Variants in PRG3 observed in about 807,000 individuals in gnomAD.
The protein encoded by PRG3 is proteoglycan 3, pro eosinophil major basic protein 2.
Under a neutral mutation model 26.1 loss-of-function variants are expected in PRG3, and 25 were observed. The ratio of observed to expected loss-of-function variants is 0.96; its 90% CI spans 0.70 to 1.34. PRG3 has a LOEUF of 1.34. Among genes scored for constraint, PRG3 ranks in the 40% most tolerant of loss-of-function variants. The pLI is 0.00. For synonymous variants in PRG3, 111 were observed against 100.4 expected, an observed-to-expected ratio of 1.11 and a Z score of -0.63; for missense variants, 280 against 264.8, an observed-to-expected ratio of 1.06 and a Z score of -0.40.
intron 1 of PRG3, 137 bp from the exon 2 acceptor site, chr11:57,380,918 C>A: frequency 2.3e-6 from 1 of 436,304 alleles, no homozygotes; most frequent in Non-Finnish European, 4.0e-6. Context: ...AACTCAGGTA[C>A]CAAATTTCAT....
Position 57,378,680 on chromosome 11 carries a change from C to G in PRG3, c.507+1G>C. ...CACCCAAGATTTGGCCCCTGACTTA[C>G]CCAGCCCCTGAGGTTGCCTCCAATC... On this transcript the variant is annotated splice_donor_variant, in intron 4 of 5. Coordinates refer to ENST00000287143, the MANE Select transcript of PRG3 (RefSeq NM_006093.4). LOFTEE classifies it high-confidence loss of function. The G allele has an allele frequency of 6.2e-7, 1 of 1,613,146 alleles. No individual in the cohort carries two copies. The highest frequency in any genetic ancestry group is 8.5e-7 in the Non-Finnish European group (1 of 1,179,440).
At chr11:57,378,551 A>T in intron 4 of PRG3, 130 bp downstream of exon 4, 1 of 1,251,786 alleles carries the variant, frequency 8.0e-7, no homozygotes, top group Non-Finnish European at 1.1e-6. Context: ...AGTACAAGCC[A>T]TCTCCAGCAC....
chr11:57,379,822 T>C lies in PRG3; in HGVS notation c.62-15A>G, dbSNP rs778977993. 6.3e-7 allele frequency: 1 copy of C among 1,592,456 alleles called. No homozygotes were observed. The highest frequency in any genetic ancestry group is 8.6e-7 in the Non-Finnish European group (1 of 1,169,006). ...GGCATCATTCTCTGGGAAGAAGAGG[T>C]AACCTGCCATCAGGTCAAGAGCTTC... On this transcript the variant is annotated splice_polypyrimidine_tract_variant and intron_variant, in intron 2 of 5. Coordinates refer to ENST00000287143, the MANE Select transcript of PRG3 (RefSeq NM_006093.4).
At position 57,378,822 on chromosome 11, in the gene PRG3, G is replaced by C. The variant is rs373236240; in HGVS notation, c.376-10C>G. On this transcript the variant is annotated splice_polypyrimidine_tract_variant and intron_variant, in intron 3 of 5. Coordinates refer to ENST00000287143, the MANE Select transcript of PRG3 (RefSeq NM_006093.4). ...ATCTGCTGCAGACATTCTGCAGACG[G>C]AAACAAAGTAGAGAATTCCCTCTCA... 2.6e-5 allele frequency: 42 copies of C among 1,613,184 alleles called. No individual in the cohort carries two copies. Among genetic ancestry groups the C allele is most frequent in the Non-Finnish European group, 3.4e-5 (40 of 1,179,708 alleles).
rs745712824 is a variant in PRG3, at chr11:57,379,827, T to G, written c.62-20A>C. ...CATTCTCTGGGAAGAAGAGGTAACC[T>G]GCCATCAGGTCAAGAGCTTCCTAGT... On this transcript the variant is annotated intron_variant, in intron 2 of 5. Transcript: ENST00000287143. The G allele has an allele frequency of 1.3e-6, 2 of 1,585,916 alleles. No homozygotes were observed. Among genetic ancestry groups the G allele is most frequent in the Non-Finnish European group, 1.7e-6 (2 of 1,165,942 alleles).
At chr11:57,377,050 T>C in intron 5 of PRG3, 142 bp from the exon 6 acceptor site, 1 of 796,500 alleles carries the variant, frequency 1.3e-6, no homozygotes, top group Non-Finnish European at 2.1e-6. Context: ...ACATCCCTAC[T>C]GGCTCACATT....
chr11:57,378,398 G>A (rs1001496687), intron 4 of PRG3, among the ~76,000 whole-genome samples: 1 of 152,180 alleles, frequency 6.6e-6, no homozygotes, highest in African/African-American at 2.4e-5. Context: ...TGGGAGGATG[G>A]GGAGTAGAAA....
In PRG3 at chr11:57,378,987, CATA is replaced by C. The variant is rs1347132338; in HGVS notation, c.376-178_376-176del. ...CAATCCTACAGGAAATGATAATACT[CATA>C]ATAATTATAACCACCGCTTATTGAG... On this transcript the variant is annotated intron_variant, in intron 3 of 5. Coordinates refer to ENST00000287143, the MANE Select transcript of PRG3 (RefSeq NM_006093.4). 2.6e-5 allele frequency among the ~76,000 whole-genome samples: 4 copies of C among 152,236 alleles called. No homozygotes were observed. The South Asian group carries it at 6.2e-4, about 24-fold the overall frequency.
intron 5 of PRG3, among the ~76,000 whole-genome samples, 197 bp downstream of exon 5, chr11:57,377,528 C>G (rs2298485): frequency 0.38 from 57,880 of 152,086 alleles, 12,770 homozygotes; most frequent in East Asian, 0.67. Flanking sequence ...GCCCACCCCC[C>G]TGTCTCCAGA....
intron 2 of PRG3, among the ~76,000 whole-genome samples, chr11:57,380,172 C>T (rs1200885728): frequency 6.6e-6 from 1 of 152,066 alleles, no homozygotes; most frequent in Non-Finnish European, 1.5e-5. Context: ...GAGGCCGGGG[C>T]GGGCGAATCA....
rs562902258 is a variant in PRG3, at chr11:57,379,395, G to A, written c.375+99C>T. The stretch of plus-strand genomic sequence containing the variant: ...AACTCCAGGTGATTCTGATGCATGC[G>A]AGGCTTTGAGAACCACTAGCCTAAA... On this transcript the variant is annotated intron_variant, in intron 3 of 5. Coordinates refer to ENST00000287143, the MANE Select transcript of PRG3 (RefSeq NM_006093.4). The A allele has an allele frequency of 2.5e-5, 30 of 1,220,388 alleles. No individual in the cohort carries two copies. In the East Asian group the frequency reaches 3.5e-4, roughly 14 times the overall value. The allele number at this position is 1,220,388 out of a possible 1,614,324, so 75.6% of individuals were successfully genotyped here. A position where few individuals can be genotyped will look rare whatever the true frequency, so the allele number is the denominator to read the frequency against.
chr11:57,378,340 G>T (rs1856963783), intron 4 of PRG3, among the ~76,000 whole-genome samples: 1 of 152,028 alleles, frequency 6.6e-6, no homozygotes, highest in Non-Finnish European at 1.5e-5. Flanking sequence ...TCTGTCTCAT[G>T]ACTCCAGTGG....
At chr11:57,380,406 A>G (rs1308457289) in intron 2 of PRG3, among the ~76,000 whole-genome samples, 1 of 27,782 alleles carries the variant, frequency 3.6e-5, no homozygotes, top group African/African-American at 9.2e-5. Context: ...TCTCAAAACA[A>G]AACAAAAAAC....
chr11:57,377,237 G>A (rs1856953672), intron 5 of PRG3, among the ~76,000 whole-genome samples: 1 of 152,164 alleles, frequency 6.6e-6, no homozygotes, highest in Non-Finnish European at 1.5e-5. Flanking sequence ...ATCTCAGTTG[G>A]CAAGTGGCAG....
chr11:57,377,006 G>A, intron 5 of PRG3, 98 bp from the exon 6 acceptor site: 2 of 1,244,656 alleles, frequency 1.6e-6, no homozygotes, highest in South Asian at 2.5e-5. Context: ...CCCCATCTAT[G>A]GCCATCGTCA....
rs746773088 is a variant in PRG3, at chr11:57,376,860, C to A, written c.668G>T (p.Cys223Phe). The change falls in exon 6 of 6, where the codon TGC (cysteine) becomes TTC (phenylalanine). Residue 223 changes from cysteine to phenylalanine, a missense_variant. By Grantham distance (205) the Cys-to-Phe change is radical. Transcript: ENST00000287143. The part of the protein sequence containing the change: ...AQCDKQLPFV[C>F]SF ...CTCCGTGCCGCTGGCTTAGAAGGAG[C>A]AGACGAAGGGCAGTTGCTTGTCGCA... 6 of 1,612,542 alleles carry A rather than the reference C, an allele frequency of 3.7e-6. No individual in the cohort carries two copies. In the South Asian group the frequency reaches 5.5e-5, roughly 15 times the overall value.
chr11:57,378,093 T>A (rs1024920144), intron 4 of PRG3, among the ~76,000 whole-genome samples: 10 of 152,064 alleles, frequency 6.6e-5, no homozygotes, highest in African/African-American at 2.4e-4. Context: ...ATTCAAGAGG[T>A]CTGTGGTGGG....
Position 57,376,792 on chromosome 11 carries a change from G to T in PRG3, c.*58C>A. The T allele has an allele frequency of 6.5e-7, 1 of 1,550,306 alleles. No individual in the cohort carries two copies. Among genetic ancestry groups the T allele is most frequent in the Non-Finnish European group, 8.9e-7 (1 of 1,124,710 alleles). On this transcript the variant is annotated 3_prime_UTR_variant, in exon 6 of 6. Transcript: ENST00000287143. Reference sequence around the variant, plus strand: ...AATGCTGTGGGAAGTCTGGATTTATGAGCAGGAGAGGTTGGGGGACGGGAG... The same window carrying T: ...AATGCTGTGGGAAGTCTGGATTTATTAGCAGGAGAGGTTGGGGGACGGGAG...
chr11:57,380,931 G>A, intron 1 of PRG3, 150 bp from the exon 2 acceptor site: 1 of 431,700 alleles, frequency 2.3e-6, no homozygotes, highest in Non-Finnish European at 4.0e-6. Flanking sequence ...AATTTCATTT[G>A]TCTTCCAGTC....
Sources: allele counts gnomAD v4.1 joint callset (sites outside exome capture counted in the v4.1 genomes callset), GRCh38; gene constraint gnomAD v4.1.1; transcripts MANE v1.5; gene names NCBI Gene and HGNC (gene_info 2026-07-23, HGNC 2026-07-21).